TASOR: variants seen among roughly 807,000 people sequenced by gnomAD.
TASOR encodes protein TASOR.
Under a neutral mutation model 178.6 loss-of-function variants are expected in TASOR, and 53 were observed. That is an observed-to-expected ratio of 0.30 (90% CI 0.24 to 0.37). The LOEUF (loss-of-function observed/expected upper bound fraction) is 0.37, where lower values mean the gene tolerates loss of function less well. Among genes scored for constraint, TASOR ranks in the 10% least tolerant of loss-of-function variants. The pLI is 1.00. For synonymous variants in TASOR, 713 were observed against 696.2 expected, an observed-to-expected ratio of 1.02 and a Z score of -0.38; for missense variants, 1,815 against 1,971.4, an observed-to-expected ratio of 0.92 and a Z score of 1.50.
chr3:56,675,149 C>T (rs1466275819), intron 1 of TASOR, among the ~76,000 whole-genome samples: 1 of 148,626 alleles, frequency 6.7e-6, no homozygotes, highest in Admixed American at 6.7e-5. Context: ...TTATCCTCCA[C>T]ATCCCCAACC....
At chr3:56,649,751 A>G (rs1415693225) in intron 11 of TASOR, among the ~76,000 whole-genome samples, 3 of 152,360 alleles carry the variant, frequency 2.0e-5, no homozygotes, top group East Asian at 1.9e-4. Context: ...AAGTGTATCA[A>G]AAGTGGATTT....
At chr3:56,643,447 A>C (rs973456735) in intron 14 of TASOR, among the ~76,000 whole-genome samples, 1 of 151,866 alleles carries the variant, frequency 6.6e-6, no homozygotes, top group Non-Finnish European at 1.5e-5. Context: ...CTCACCACCA[A>C]ATCAAGATCA....
chr3:56,625,445 C>T (rs1190192337), intron 21 of TASOR, among the ~76,000 whole-genome samples: 2 of 152,040 alleles, frequency 1.3e-5, no homozygotes, highest in African/African-American at 4.8e-5. Context: ...ATCAGGAGTT[C>T]GAGACCAGCC....
chr3:56,637,138 TAGCACTTACTTGGG>T (rs2077033896), intron 17 of TASOR, among the ~76,000 whole-genome samples: 1 of 152,240 alleles, frequency 6.6e-6, no homozygotes, highest in Admixed American at 6.5e-5. Flanking sequence ...CTAATCAGAT[TAGCACTTACTTGGG>T]AACAAGGAGA....
Position 56,646,590 on chromosome 3 carries a change from T to A in TASOR, c.2147A>T (p.Asp716Val), listed in dbSNP as rs2077243380. The A allele has an allele frequency of 6.2e-6, 10 of 1,612,810 alleles. No individual in the cohort carries two copies. The East Asian group carries it at 2.0e-4, about 32-fold the overall frequency. The change falls in exon 14 of 24, where the codon GAT becomes GTT. Residue 716 changes from aspartate to valine, a missense_variant. Physicochemically the swap from Asp to Val is radical, Grantham distance 152. Transcript: ENST00000683822. ...SKTVLKRKLE[D>V]LPENMRKLAK... ...GAGCTTTCTCATATTTTCAGGTAGA[T>A]CCTCAAGCTTCCTCTTCAAGACAGT...
At position 56,646,951 on chromosome 3, in the gene TASOR, A is replaced by G. The variant is rs1184163044; in HGVS notation, c.1786T>C (p.Ser596Pro). ...KFLYSAPRNK[S>P]HIDTCLHAYI... ...GCATGCAAACAAGTATCAATATGGGATTTATTTCTGGGAGCTGAGTATAAG... is the reference window on the plus strand; with the variant it reads ...GCATGCAAACAAGTATCAATATGGGGTTTATTTCTGGGAGCTGAGTATAAG... Residue 596 changes from serine (S) to proline (P), a missense_variant, in exon 14 of 24, where the codon TCC becomes CCC. Physicochemically the swap from Ser to Pro is moderately conservative, Grantham distance 74 (BLOSUM62 -1). Around this residue, in one of 5 missense-constraint regions of TASOR, gnomAD observed 504 missense variants for 645.3 expected, o/e 0.78. Transcript: ENST00000683822. The G allele has an allele frequency of 6.2e-7, 1 of 1,611,992 alleles. No individual in the cohort carries two copies. Among genetic ancestry groups the G allele is most frequent in the Admixed American group, 1.7e-5 (1 of 59,582 alleles).
At chr3:56,679,066 G>C (rs1289045128) in intron 1 of TASOR, among the ~76,000 whole-genome samples, 2 of 150,352 alleles carry the variant, frequency 1.3e-5, no homozygotes, top group Non-Finnish European at 3.0e-5. Context: ...ATAAACAATT[G>C]TCTGATTTAA....
intron 8 of TASOR, 104 bp downstream of exon 8, chr3:56,663,437 T>C (rs2077641801): frequency 7.5e-6 from 5 of 663,886 alleles, no homozygotes; most frequent in Non-Finnish European, 1.1e-5. Context: ...TTTTCATACT[T>C]TGCAGATTTT....
intron 15 of TASOR, 76 bp from the exon 16 acceptor site, chr3:56,640,206 G>T: frequency 7.7e-7 from 1 of 1,298,402 alleles, no homozygotes; most frequent in Non-Finnish European, 1.1e-6. Flanking sequence ...TTTTTTCACT[G>T]AAAATTCACG....
intron 16 of TASOR, 23 bp downstream of exon 16, chr3:56,639,963 A>G: frequency 6.3e-7 from 1 of 1,584,542 alleles, no homozygotes; most frequent in Non-Finnish European, 8.6e-7. Context: ...AAGCAAACAC[A>G]AGTCCAAGTA....
chr3:56,675,466 C>T (rs911350857), intron 1 of TASOR, among the ~76,000 whole-genome samples: 4 of 152,176 alleles, frequency 2.6e-5, no homozygotes, highest in African/African-American at 4.8e-5. Context: ...CATGAGCCAC[C>T]GTGCCCGGTC....
rs1357390922 is a variant in TASOR at position 56,633,403 on chromosome 3, T to C, written c.3388A>G (p.Asn1130Asp). Reference sequence around the variant, plus strand: ...CACAGTGGCTCAAGGAGATGTTTATTGTTGAAGTCACTTGAGGAAACTGGT... The same window carrying C: ...CACAGTGGCTCAAGGAGATGTTTATCGTTGAAGTCACTTGAGGAAACTGGT... ...VIPVSSSDFNNKHLLEPLCSD... is the reference protein window; with the variant it reads ...VIPVSSSDFNDKHLLEPLCSD... The change falls in exon 18 of 24, where the codon AAT (asparagine) becomes GAT (aspartate). Residue 1130 changes from asparagine (N) to aspartate (D), a missense_variant. By Grantham distance (23) the Asn-to-Asp change is conservative. Transcript: ENST00000683822. 9.9e-6 allele frequency: 16 copies of C among 1,614,066 alleles called. No individual in the cohort carries two copies. Among genetic ancestry groups the C allele is most frequent in the Non-Finnish European group, 1.4e-5 (16 of 1,180,030 alleles).
rs193144504 is a variant in TASOR at position 56,677,509 on chromosome 3, C to T, written c.332-3784G>A. Among the ~76,000 whole-genome samples, 14 of 152,282 alleles carry T rather than the reference C, an allele frequency of 9.2e-5. No individual in the cohort carries two copies. In the East Asian group the frequency reaches 2.7e-3, roughly 29 times the overall value. On this transcript the variant is annotated intron_variant, in intron 1 of 23. Transcript: ENST00000683822. ...TGAGACAAGTAGCCTTTTGAGTTGG[C>T]CCAAGGTTACAGGGTTAATGAATGA... is the stretch of plus-strand genomic sequence containing the variant.
chr3:56,678,987 G>A (rs2031563590), intron 1 of TASOR, among the ~76,000 whole-genome samples: 1 of 145,606 alleles, frequency 6.9e-6, no homozygotes, highest in Non-Finnish European at 1.5e-5. Context: ...ATCCCAGCCT[G>A]GGCAACAGAG....
At position 56,646,529 on chromosome 3, in the gene TASOR, C is replaced by G. The variant is rs746116247; in HGVS notation, c.2208G>C (p.Leu736=). The change falls in exon 14 of 24, where the codon CTG becomes CTC. Residue 736 remains leucine (L), a synonymous_variant. Coordinates refer to ENST00000683822, the MANE Select transcript of TASOR (RefSeq NM_001365635.2). ...KTSNLSENCH[L]YEESPQPIGS... ...AGCAATCTGATATTTTACCTTCATACAGATGGCAATTTTCAGATAAATTAC... is the reference window on the plus strand; with the variant it reads ...AGCAATCTGATATTTTACCTTCATAGAGATGGCAATTTTCAGATAAATTAC... 1 of 1,600,324 alleles carries G rather than the reference C, an allele frequency of 6.2e-7. No homozygotes were observed. Among genetic ancestry groups the G allele is most frequent in the East Asian group, 2.2e-5 (1 of 44,826 alleles).
In TASOR at chr3:56,620,349, A is replaced by G. The variant is rs2076250230; in HGVS notation, c.*2688T>C. 1 of 153,174 alleles carries G rather than the reference A, an allele frequency of 6.5e-6. No homozygotes were observed. Among genetic ancestry groups the G allele is most frequent in the South Asian group, 2.0e-4 (1 of 4,908 alleles). 9.5% of individuals were successfully genotyped at this position (153,174 alleles called of 1,614,324 possible). ...AGTATGAAATTATACGCATAACCTT[A>G]CTCACCATACTACTTTTTCTCCCAA... is the stretch of plus-strand genomic sequence containing the variant. On this transcript the variant is annotated 3_prime_UTR_variant, in exon 24 of 24. Transcript: ENST00000683822.
intron 21 of TASOR, 35 bp from the exon 22 acceptor site, chr3:56,625,041 A>T: frequency 1.3e-6 from 2 of 1,583,944 alleles, no homozygotes; most frequent in Middle Eastern, 2.0e-4. Context: ...CTGGATCTGT[A>T]CTTCTAAAAT....
intron 13 of TASOR, 84 bp from the exon 14 acceptor site, chr3:56,647,307 G>T (rs553783701): frequency 5.3e-6 from 6 of 1,123,156 alleles, no homozygotes; most frequent in African/African-American, 1.6e-5. Flanking sequence ...TATTGCCAAA[G>T]AAGTATAAAA....
chr3:56,633,742 T>A lies in TASOR; in HGVS notation c.3049A>T (p.Thr1017Ser). 3 of 1,614,206 alleles carry A rather than the reference T, an allele frequency of 1.9e-6. No homozygotes were observed. Among genetic ancestry groups the A allele is most frequent in the Non-Finnish European group, 2.5e-6 (3 of 1,180,038 alleles). ...EAEPPAVSET[T>S]ERTVLGEYNL... ...TACTCTCCTAACACTGTCCTCTCTG[T>A]GGTTTCGCTCACTGCAGGCGGCTCT... The change falls in exon 18 of 24, where the codon ACA becomes TCA. Residue 1017 changes from threonine (T) to serine (S), a missense_variant. Physicochemically the swap from Thr to Ser is moderately conservative, Grantham distance 58 (BLOSUM62 1). Coordinates refer to ENST00000683822, the MANE Select transcript of TASOR (RefSeq NM_001365635.2).
Sources: gnomAD v4.1 joint callset for allele counts (sites outside exome capture counted in the v4.1 genomes callset) on GRCh38, gnomAD v4.1.1 for gene constraint, gnomAD v4.1.1 regional missense constraint, MANE v1.5 for transcripts, NCBI Gene and HGNC (gene_info 2026-07-23, HGNC 2026-07-21) for gene names.